Variants in CSMD1 observed in about 807,000 individuals in gnomAD.
CSMD1 encodes CUB and sushi domain-containing protein 1.
CSMD1 carries 213 observed loss-of-function variants against 417.5 expected under a neutral mutation model. That is an observed-to-expected ratio of 0.51 (90% CI 0.46 to 0.57). The LOEUF is 0.57. Ranked by LOEUF, CSMD1 falls within the 20% of genes least tolerant of loss-of-function variation. CSMD1 has a pLI of 0.00. For synonymous variants in CSMD1, 2,862 were observed against 1,736.8 expected (o/e 1.65, Z -16.11); for missense variants, 6,923 against 4,529.7 (o/e 1.53, Z -15.17).
At chr8:4,306,775 G>T (rs568215819) in intron 3 of CSMD1, among the ~76,000 whole-genome samples, 1 of 152,188 alleles carries the variant, frequency 6.6e-6, no homozygotes, top group East Asian at 1.9e-4. Context: ...CGAGTCCACA[G>T]ATCAGCCCTT....
chr8:4,280,705 C>T (rs1796734444), intron 3 of CSMD1, among the ~76,000 whole-genome samples: 1 of 152,172 alleles, frequency 6.6e-6, no homozygotes, highest in Non-Finnish European at 1.5e-5. Context: ...AGCTCTATAG[C>T]AATACCGTGT....
intron 2 of CSMD1, among the ~76,000 whole-genome samples, chr8:4,578,799 G>C (rs1585278030): frequency 7.8e-6 from 1 of 127,868 alleles, no homozygotes; most frequent in African/African-American, 3.3e-5. Flanking sequence ...GGGTGACAGA[G>C]ATAGACTCCA....
At chr8:3,493,958 A>G (rs1354640898) in intron 10 of CSMD1, among the ~76,000 whole-genome samples, 2 of 152,188 alleles carry the variant, frequency 1.3e-5, no homozygotes, top group Non-Finnish European at 2.9e-5. Context: ...ATGTATTTTC[A>G]CCTCTAAAAA....
intron 3 of CSMD1, among the ~76,000 whole-genome samples, chr8:4,170,402 G>C (rs746991502): frequency 1.3e-5 from 2 of 151,882 alleles, no homozygotes; most frequent in African/African-American, 4.9e-5. Flanking sequence ...CCTGTGAAAA[G>C]CATATGCATG....
At chr8:4,769,859 A>T (rs189854285) in intron 1 of CSMD1, among the ~76,000 whole-genome samples, 2 of 152,314 alleles carry the variant, frequency 1.3e-5, no homozygotes, top group East Asian at 3.9e-4. Context: ...TAAAGAATAT[A>T]TGCATCCCAC....
intron 50 of CSMD1, among the ~76,000 whole-genome samples, chr8:3,039,174 A>T (rs1431549845): frequency 6.6e-6 from 1 of 151,068 alleles, no homozygotes; most frequent in Non-Finnish European, 1.5e-5. Flanking sequence ...AAGAAGGTAT[A>T]TTCCTAGATT....
intron 3 of CSMD1, among the ~76,000 whole-genome samples, chr8:4,310,700 C>G (rs1284771874): frequency 1.3e-5 from 2 of 152,014 alleles, no homozygotes; most frequent in Non-Finnish European, 2.9e-5. Flanking sequence ...AACCATAGAA[C>G]CTGCAAGACA....
At chr8:4,185,597 G>T (rs1415173759) in intron 3 of CSMD1, among the ~76,000 whole-genome samples, 8 of 152,090 alleles carry the variant, frequency 5.3e-5, no homozygotes, top group African/African-American at 1.7e-4. Context: ...TCTAGTAAAT[G>T]TGCTGATTTA....
At chr8:4,466,938 T>C (rs371169333) in intron 2 of CSMD1, among the ~76,000 whole-genome samples, 8 of 152,090 alleles carry the variant, frequency 5.3e-5, no homozygotes, top group African/African-American at 1.9e-4. Context: ...AATTAGAATT[T>C]CCTGTGAACA....
chr8:4,020,752 G>A (rs891276373), intron 4 of CSMD1, among the ~76,000 whole-genome samples: 4 of 152,174 alleles, frequency 2.6e-5, no homozygotes, highest in Non-Finnish European at 2.9e-5. Flanking sequence ...TAGACCCAAC[G>A]TCATTACTTC....
chr8:4,796,102 A>C (rs1327808757), intron 1 of CSMD1, among the ~76,000 whole-genome samples: 1 of 152,134 alleles, frequency 6.6e-6, no homozygotes, highest in East Asian at 1.9e-4. Context: ...TTATTCCACA[A>C]GGAGTTTACT....
At chr8:3,732,256 C>A (rs576233882) in intron 6 of CSMD1, among the ~76,000 whole-genome samples, 2 of 152,142 alleles carry the variant, frequency 1.3e-5, no homozygotes, top group African/African-American at 2.4e-5. Context: ...GGCAATTACT[C>A]GATACAAAGC....
intron 3 of CSMD1, among the ~76,000 whole-genome samples, chr8:4,098,465 T>C (rs538082080): frequency 1.3e-5 from 2 of 152,254 alleles, no homozygotes; most frequent in East Asian, 1.9e-4. Context: ...TATTGTTCCA[T>C]GTTGGAAGTT....
At chr8:4,043,674 A>C (rs1368298622) in intron 3 of CSMD1, among the ~76,000 whole-genome samples, 1 of 152,314 alleles carries the variant, frequency 6.6e-6, no homozygotes, top group Non-Finnish European at 1.5e-5. Flanking sequence ...GTGAAACCAT[A>C]CATTTATTTC....
At chr8:3,728,932 C>T (rs1050166526) in intron 6 of CSMD1, among the ~76,000 whole-genome samples, 2 of 152,120 alleles carry the variant, frequency 1.3e-5, no homozygotes, top group Non-Finnish European at 2.9e-5. Flanking sequence ...AATCAATAAT[C>T]CCAAAATAAT....
chr8:4,113,099 A>T (rs555514696), intron 3 of CSMD1, among the ~76,000 whole-genome samples: 133 of 152,262 alleles, frequency 8.7e-4, no homozygotes, highest in African/African-American at 3.2e-3. Context: ...TAAATGATTA[A>T]TGTGGTGTGT....
chr8:3,463,310 A>G (rs1350941831), intron 12 of CSMD1, among the ~76,000 whole-genome samples: 1 of 152,170 alleles, frequency 6.6e-6, no homozygotes, highest in Non-Finnish European at 1.5e-5. Flanking sequence ...TCCAAGAAAA[A>G]GGATAATTTG....
chr8:3,774,350 G>C (rs182384728), intron 5 of CSMD1, among the ~76,000 whole-genome samples: 2 of 152,218 alleles, frequency 1.3e-5, no homozygotes, highest in African/African-American at 4.8e-5. Flanking sequence ...TTATCATATG[G>C]CGGTTGTTTG....
intron 1 of CSMD1, among the ~76,000 whole-genome samples, chr8:4,969,341 T>A (rs1277408133): frequency 1.3e-5 from 2 of 151,934 alleles, no homozygotes; most frequent in East Asian, 3.9e-4. Context: ...GGCATTTCCT[T>A]ATATAATGAG....
Sources: allele counts gnomAD v4.1 joint callset (sites outside exome capture counted in the v4.1 genomes callset), GRCh38; gene constraint gnomAD v4.1.1; transcripts MANE v1.5; gene names NCBI Gene and HGNC (gene_info 2026-07-23, HGNC 2026-07-21).